DISC1: variants seen among roughly 807,000 people sequenced by gnomAD.
DISC1 encodes disrupted in schizophrenia 1 protein.
In DISC1, 57 loss-of-function variants were observed where a neutral mutation model predicts 84.5. The observed-to-expected ratio is 0.67, with a 90% CI of 0.55 to 0.84. The LOEUF is 0.84. Among genes scored for constraint, DISC1 ranks in the 40% least tolerant of loss-of-function variants. DISC1 has a pLI of 0.00. For missense variants in DISC1, 1,000 were observed against 1,057.8 expected, an observed-to-expected ratio of 0.95 and a Z score of 0.76; for synonymous variants, 411 against 415.2, an observed-to-expected ratio of 0.99 and a Z score of 0.12.
rs530619101 is a variant in DISC1, at chr1:232,041,242, G to A, written c.*4411G>A. 2.0e-5 allele frequency: 3 copies of A among 152,224 alleles called. No homozygotes were observed. Among genetic ancestry groups the A allele is most frequent in the East Asian group, 1.9e-4 (1 of 5,180 alleles). The allele number at this position is 152,224 out of a possible 1,614,324, so 9.4% of individuals were successfully genotyped here. On this transcript the variant is annotated 3_prime_UTR_variant, in exon 13 of 13. Coordinates refer to ENST00000439617, the MANE Select transcript of DISC1 (RefSeq NM_018662.3). ...GATTAATTGTACAGTTACATCACACGAAACATTTATAATAAAGTCATGCTT... is the reference window on the plus strand; with the variant it reads ...GATTAATTGTACAGTTACATCACACAAAACATTTATAATAAAGTCATGCTT...
At chr1:231,677,031 G>A (rs912207437) in intron 1 of DISC1, among the ~76,000 whole-genome samples, 11 of 152,184 alleles carry the variant, frequency 7.2e-5, no homozygotes, top group East Asian at 1.9e-4. Context: ...GATTGTTAAA[G>A]TAGTGTCTGG....
chr1:231,912,257 CT>C (rs2089269522), intron 9 of DISC1, among the ~76,000 whole-genome samples: 3 of 152,334 alleles, frequency 2.0e-5, no homozygotes, highest in Admixed American at 6.5e-5. Context: ...AAGAGACACT[CT>C]GATTTTTAGA....
chr1:231,870,493 T>C (rs1043524036), intron 9 of DISC1, among the ~76,000 whole-genome samples: 11 of 152,376 alleles, frequency 7.2e-5, no homozygotes, highest in Admixed American at 5.9e-4. Context: ...CCTACGTCTC[T>C]GAGCGGCCCG....
intron 1 of DISC1, among the ~76,000 whole-genome samples, chr1:231,649,861 C>T (rs1382959700): frequency 6.6e-6 from 1 of 152,130 alleles, no homozygotes; most frequent in African/African-American, 2.4e-5. Context: ...TCTGTTTTAT[C>T]AGAGACCAGG....
intron 6 of DISC1, among the ~76,000 whole-genome samples, chr1:231,773,221 G>T (rs532566725): frequency 4.6e-5 from 7 of 152,186 alleles, no homozygotes; most frequent in Non-Finnish European, 1.0e-4. Flanking sequence ...AAAACTAGGA[G>T]CTCCACAGTG....
In DISC1 at chr1:232,018,827, C is replaced by G. The variant is rs1003422335; in HGVS notation, c.2308-7608C>G. Among the ~76,000 whole-genome samples, 41 of 152,264 alleles carry G rather than the reference C, an allele frequency of 2.7e-4. 1 individual carries two copies. The highest frequency in any genetic ancestry group is 2.5e-3 in the Admixed American group (39 of 15,302). Reference sequence around the variant, plus strand: ...GCAGTACTGTGGAGAGCCCCAGGACCCCATGGCTGTCCCTGTGGCAAGAAA... The same window carrying G: ...GCAGTACTGTGGAGAGCCCCAGGACGCCATGGCTGTCCCTGTGGCAAGAAA... On this transcript the variant is annotated intron_variant, in intron 11 of 12. Transcript: ENST00000439617.
At chr1:232,026,771 T>C (rs1029057369) in intron 12 of DISC1, among the ~76,000 whole-genome samples, 5 of 141,922 alleles carry the variant, frequency 3.5e-5, no homozygotes, top group South Asian at 4.5e-4. Flanking sequence ...TCTTTTTTTT[T>C]TTTTTTTTTT....
intron 4 of DISC1, among the ~76,000 whole-genome samples, chr1:231,753,284 T>C (rs2074801362): frequency 1.3e-5 from 2 of 152,214 alleles, no homozygotes; most frequent in Admixed American, 6.5e-5. Context: ...CCATACATCC[T>C]CTGAAACCTA....
intron 9 of DISC1, among the ~76,000 whole-genome samples, chr1:231,913,066 C>T (rs1195009931): frequency 6.6e-6 from 1 of 152,032 alleles, no homozygotes; most frequent in Non-Finnish European, 1.5e-5. Flanking sequence ...CACCACTATG[C>T]CCAGCTAATT....
intron 12 of DISC1, among the ~76,000 whole-genome samples, chr1:232,029,610 A>G (rs1669806935): frequency 6.6e-6 from 1 of 152,252 alleles, no homozygotes; most frequent in African/African-American, 2.4e-5. Context: ...TCCATTAAGC[A>G]TGCTGCCAGA....
chr1:232,026,158 T>C (rs568939024), intron 11 of DISC1, among the ~76,000 whole-genome samples: 70 of 152,298 alleles, frequency 4.6e-4, no homozygotes, highest in African/African-American at 1.3e-3. Flanking sequence ...TTCTGTTTGA[T>C]AAATCCACTT....
intron 9 of DISC1, among the ~76,000 whole-genome samples, chr1:231,937,489 A>G (rs1343998225): frequency 6.6e-6 from 1 of 152,230 alleles, no homozygotes; most frequent in Non-Finnish European, 1.5e-5. Flanking sequence ...ATTTTATGCA[A>G]CAGGAGGGAC....
At chr1:231,782,076 A>G (rs1043426638) in intron 6 of DISC1, among the ~76,000 whole-genome samples, 8 of 152,230 alleles carry the variant, frequency 5.3e-5, no homozygotes, top group African/African-American at 1.9e-4. Flanking sequence ...AGCTGCTTTC[A>G]GTGGGGGGTG....
At position 231,818,459 on chromosome 1, in the gene DISC1, T is replaced by C; in HGVS notation, c.1923T>C (p.Ser641=). The stretch of plus-strand genomic sequence containing the variant: ...CCAGGAATGTCAAAAAGCTGGGAAG[T>C]GTTAAAGAAGATTACAACAGACTGA... The part of the protein sequence containing the change: ...LSSRNVKKLG[S]VKEDYNRLRR... Residue 641 remains serine (S), a synonymous_variant, in exon 9 of 13, where the codon AGT becomes AGC. Coordinates refer to ENST00000439617, the MANE Select transcript of DISC1 (RefSeq NM_018662.3). 6.2e-7 allele frequency: 1 copy of C among 1,614,146 alleles called. No homozygotes were observed. Among genetic ancestry groups the C allele is most frequent in the Non-Finnish European group, 8.5e-7 (1 of 1,180,018 alleles).
chr1:231,878,599 T>C (rs971791811), intron 9 of DISC1, among the ~76,000 whole-genome samples: 4 of 152,124 alleles, frequency 2.6e-5, no homozygotes, highest in Admixed American at 2.6e-4. Flanking sequence ...TAAAGGGCAA[T>C]GGAAAGTTGT....
chr1:231,977,720 G>A (rs897490230), intron 10 of DISC1, among the ~76,000 whole-genome samples: 3 of 152,146 alleles, frequency 2.0e-5, no homozygotes, highest in Non-Finnish European at 4.4e-5. Flanking sequence ...GCACCAACAG[G>A]AATATTTTGA....
At chr1:231,742,018 T>C (rs1047534992) in intron 3 of DISC1, among the ~76,000 whole-genome samples, 1 of 152,152 alleles carries the variant, frequency 6.6e-6, no homozygotes, top group Non-Finnish European at 1.5e-5. Context: ...ATGCCAGTCC[T>C]CTGCTCAGAA....
chr1:231,873,150 C>G (rs1311276007), intron 9 of DISC1, among the ~76,000 whole-genome samples: 1 of 152,326 alleles, frequency 6.6e-6, no homozygotes, highest in Admixed American at 6.5e-5. Flanking sequence ...AGATTTCCGA[C>G]AAGAACTTCC....
At chr1:231,779,317 A>C (rs1223034721) in intron 6 of DISC1, among the ~76,000 whole-genome samples, 5 of 152,140 alleles carry the variant, frequency 3.3e-5, no homozygotes, top group South Asian at 2.1e-4. Context: ...CCAACTGTGG[A>C]CTGCTTCTGG....
Sources: allele counts gnomAD v4.1 joint callset (sites outside exome capture counted in the v4.1 genomes callset), GRCh38; gene constraint gnomAD v4.1.1; transcripts MANE v1.5; gene names NCBI Gene and HGNC (gene_info 2026-07-23, HGNC 2026-07-21).